The following EFNA5 variants were observed in gnomAD, a reference collection of about 807,000 sequenced individuals.
EFNA5 encodes ephrin A5.
A neutral mutation model predicts 22.9 loss-of-function variants in EFNA5; 5 were observed. The observed-to-expected ratio is 0.22, with a 90% CI of 0.11 to 0.46. The LOEUF is 0.46. Ranked by LOEUF, EFNA5 falls within the 20% of genes least tolerant of loss-of-function variation. EFNA5 has a pLI of 0.99. For synonymous variants in EFNA5, 113 were observed against 112.2 expected (o/e 1.01, Z -0.04); for missense variants, 237 against 293.3 (o/e 0.81, Z 1.40).
chr5:107,458,929 T>C (rs749542037), intron 1 of EFNA5, among the ~76,000 whole-genome samples: 1 of 152,204 alleles, frequency 6.6e-6, no homozygotes, highest in Non-Finnish European at 1.5e-5. Flanking sequence ...CTAGATCTTT[T>C]TTGTTTGTTG....
chr5:107,470,780 G>A (rs1750117086), intron 1 of EFNA5, among the ~76,000 whole-genome samples: 1 of 152,090 alleles, frequency 6.6e-6, no homozygotes, highest in Admixed American at 6.5e-5. Context: ...ATGATGAAAT[G>A]AAATCAGGAC....
At chr5:107,420,006 G>A (rs1329709889) in intron 2 of EFNA5, among the ~76,000 whole-genome samples, 1 of 152,094 alleles carries the variant, frequency 6.6e-6, no homozygotes, top group Non-Finnish European at 1.5e-5. Context: ...GTGCCATTTT[G>A]ACACTCTTCT....
At chr5:107,601,939 T>C (rs948552682) in intron 1 of EFNA5, among the ~76,000 whole-genome samples, 1 of 152,216 alleles carries the variant, frequency 6.6e-6, no homozygotes, top group African/African-American at 2.4e-5. Flanking sequence ...TTGGAGTCTT[T>C]CACAGCTTTC....
At chr5:107,484,274 G>A (rs1329468780) in intron 1 of EFNA5, among the ~76,000 whole-genome samples, 1 of 152,144 alleles carries the variant, frequency 6.6e-6, no homozygotes, top group Admixed American at 6.5e-5. Flanking sequence ...TTATGGAGTA[G>A]GTGCCCACAG....
At chr5:107,396,412 A>T (rs1047565123) in intron 2 of EFNA5, among the ~76,000 whole-genome samples, 1 of 152,180 alleles carries the variant, frequency 6.6e-6, no homozygotes, top group Admixed American at 6.5e-5. Context: ...AACTCAGGTG[A>T]TCCCTACAGA....
In EFNA5 at chr5:107,379,025, G is replaced by C. The variant is rs1269464819; in HGVS notation, c.*2230C>G. The C allele has an allele frequency of 2.6e-5, 4 of 152,068 alleles. No homozygotes were observed. The highest frequency in any genetic ancestry group is 9.7e-5 in the African/African-American group (4 of 41,386). The allele number at this position is 152,068 out of a possible 1,614,324, so 9.4% of individuals were successfully genotyped here. ...AAAAAGTATTTCTGCATATGACTGA[G>C]AGTACTGCATATATAAATAGCTAAA... On this transcript the variant is annotated 3_prime_UTR_variant, in exon 5 of 5. Coordinates refer to ENST00000333274, the MANE Select transcript of EFNA5 (RefSeq NM_001962.3).
At chr5:107,524,046 A>G (rs980727387) in intron 1 of EFNA5, among the ~76,000 whole-genome samples, 7 of 152,332 alleles carry the variant, frequency 4.6e-5, no homozygotes, top group African/African-American at 1.7e-4. Flanking sequence ...TTAGATCTTG[A>G]TAATCAACCT....
intron 1 of EFNA5, among the ~76,000 whole-genome samples, chr5:107,513,852 G>T (rs938542570): frequency 3.3e-5 from 5 of 152,094 alleles, no homozygotes; most frequent in Non-Finnish European, 7.4e-5. Flanking sequence ...TGAGCAGAGG[G>T]GAGAGGAAAT....
At chr5:107,656,736 G>A (rs1308148376) in intron 1 of EFNA5, among the ~76,000 whole-genome samples, 1 of 151,992 alleles carries the variant, frequency 6.6e-6, no homozygotes, top group Non-Finnish European at 1.5e-5. Context: ...TCACAAGTCT[G>A]AGGGAGATAT....
chr5:107,529,697 C>T (rs1389135333), intron 1 of EFNA5, among the ~76,000 whole-genome samples: 1 of 152,196 alleles, frequency 6.6e-6, no homozygotes, highest in Non-Finnish European at 1.5e-5. Context: ...TAACACACCA[C>T]CTTGTATTGC....
chr5:107,516,554 T>C (rs145461097), intron 1 of EFNA5, among the ~76,000 whole-genome samples: 174 of 152,332 alleles, frequency 1.1e-3, no homozygotes, highest in Non-Finnish European at 2.3e-3. Flanking sequence ...TTTTATAGAA[T>C]TGACAACTCC....
chr5:107,616,242 G>A (rs755269921), intron 1 of EFNA5, among the ~76,000 whole-genome samples: 1 of 152,170 alleles, frequency 6.6e-6, no homozygotes, highest in Non-Finnish European at 1.5e-5. Flanking sequence ...ATGGTCAAGT[G>A]TGCTAATAAT....
intron 1 of EFNA5, among the ~76,000 whole-genome samples, chr5:107,492,730 G>C (rs1293389889): frequency 6.6e-6 from 1 of 152,160 alleles, no homozygotes; most frequent in African/African-American, 2.4e-5. Flanking sequence ...CGAGCACGGT[G>C]GATCATGCCT....
intron 1 of EFNA5, among the ~76,000 whole-genome samples, chr5:107,473,560 T>G (rs1401051835): frequency 6.6e-6 from 1 of 152,182 alleles, no homozygotes; most frequent in Non-Finnish European, 1.5e-5. Context: ...ACTCTACAAT[T>G]TGGTGTGGAA....
chr5:107,500,633 C>A (rs1154314), intron 1 of EFNA5, among the ~76,000 whole-genome samples: 27 of 152,136 alleles, frequency 1.8e-4, no homozygotes, highest in African/African-American at 6.5e-4. Context: ...ATACATGTAG[C>A]CTGAATGCAC....
intron 1 of EFNA5, among the ~76,000 whole-genome samples, chr5:107,430,828 G>A (rs1046816257): frequency 6.8e-6 from 1 of 146,824 alleles, no homozygotes; most frequent in Admixed American, 6.8e-5. Context: ...CCAGGCTGGA[G>A]TGCAGTGGTG....
At chr5:107,615,290 C>T (rs1232951038) in intron 1 of EFNA5, among the ~76,000 whole-genome samples, 1 of 152,052 alleles carries the variant, frequency 6.6e-6, no homozygotes, top group Non-Finnish European at 1.5e-5. Flanking sequence ...TTTCGATATC[C>T]CCTCTAGGGT....
chr5:107,544,805 T>C (rs896348880), intron 1 of EFNA5, among the ~76,000 whole-genome samples: 6 of 152,158 alleles, frequency 3.9e-5, no homozygotes, highest in South Asian at 2.1e-4. Flanking sequence ...CCCAAATATT[T>C]AGCACAATGC....
intron 1 of EFNA5, among the ~76,000 whole-genome samples, chr5:107,582,799 G>A (rs1486031629): frequency 1.3e-5 from 2 of 148,824 alleles, no homozygotes; most frequent in South Asian, 4.2e-4. Flanking sequence ...CCCTTTTTCT[G>A]TTCCTTTCCT....
Sources: allele counts gnomAD v4.1 joint callset (sites outside exome capture counted in the v4.1 genomes callset), GRCh38; gene constraint gnomAD v4.1.1; transcripts MANE v1.5; gene names NCBI Gene and HGNC (gene_info 2026-07-23, HGNC 2026-07-21).